The following DNAJC1 variants were observed in gnomAD, a reference collection of about 807,000 sequenced individuals.
The protein encoded by DNAJC1 is dnaJ homolog subfamily C member 1.
In DNAJC1, 58 loss-of-function variants were observed where a neutral mutation model predicts 76.6. The ratio of observed to expected loss-of-function variants is 0.76; its 90% CI spans 0.61 to 0.94. The LOEUF is 0.94. Ranked by LOEUF, DNAJC1 falls within the 40% of genes least tolerant of loss-of-function variation. DNAJC1 has a pLI of 0.00. For synonymous variants in DNAJC1, 258 were observed against 267.9 expected (o/e 0.96, Z 0.36); for missense variants, 689 against 677.3 (o/e 1.02, Z -0.19).
chr10:21,854,824 T>C (rs562959048), intron 8 of DNAJC1, among the ~76,000 whole-genome samples: 5 of 152,270 alleles, frequency 3.3e-5, no homozygotes, highest in Non-Finnish European at 7.4e-5. Context: ...AAAAATTGAT[T>C]GTAAACTGTT....
chr10:21,818,313 G>A (rs1239051515), intron 8 of DNAJC1, among the ~76,000 whole-genome samples: 3 of 152,108 alleles, frequency 2.0e-5, no homozygotes, highest in South Asian at 2.1e-4. Context: ...GGAAATTCCC[G>A]CCTAATAAAT....
At chr10:21,971,888 A>G (rs1837985025) in intron 1 of DNAJC1, among the ~76,000 whole-genome samples, 1 of 151,926 alleles carries the variant, frequency 6.6e-6, no homozygotes, top group South Asian at 2.1e-4. Context: ...GTGTCATGTA[A>G]ACAGATTTCA....
intron 8 of DNAJC1, among the ~76,000 whole-genome samples, chr10:21,844,695 T>C (rs1258471064): frequency 1.3e-5 from 2 of 152,158 alleles, no homozygotes; most frequent in Admixed American, 6.5e-5. Context: ...AGAATAGGTA[T>C]TAAAGATACT....
In DNAJC1 at chr10:22,003,224, C is replaced by A. The variant is rs370706699; in HGVS notation, c.211G>T (p.Gly71Trp). Residue 71 changes from glycine (G) to tryptophan (W), a missense_variant, in exon 1 of 12, where the codon GGG becomes TGG. Coordinates refer to ENST00000376980, the MANE Select transcript of DNAJC1 (RefSeq NM_022365.4). ...EVQLNFYQFLGVQQDASSADI... is the reference protein window; with the variant it reads ...EVQLNFYQFLWVQQDASSADI... ...GCCTCCTTGCTTACCTGCTGCACCC[C>A]GAGGAACTGGTAGAAGTTGAGCTGC... 4.5e-6 allele frequency: 7 copies of A among 1,556,762 alleles called. No individual in the cohort carries two copies. The African/African-American group carries it at 5.6e-5, about 12-fold the overall frequency.
chr10:21,909,774 T>C (rs988145971), intron 6 of DNAJC1, among the ~76,000 whole-genome samples: 1 of 152,222 alleles, frequency 6.6e-6, no homozygotes, highest in African/African-American at 2.4e-5. Context: ...CTTGTCATAA[T>C]GAGCAAGGAG....
intron 6 of DNAJC1, among the ~76,000 whole-genome samples, chr10:21,909,141 G>A (rs542145658): frequency 1.3e-5 from 2 of 152,314 alleles, no homozygotes; most frequent in African/African-American, 4.8e-5. Flanking sequence ...GCCTGCTTCG[G>A]CCTCCCAAAG....
At chr10:21,781,369 C>G (rs1465815207) in intron 9 of DNAJC1, among the ~76,000 whole-genome samples, 1 of 152,142 alleles carries the variant, frequency 6.6e-6, no homozygotes, top group African/African-American at 2.4e-5. Context: ...TGTAAAAGAA[C>G]AGAAATTATA....
intron 3 of DNAJC1, among the ~76,000 whole-genome samples, chr10:21,922,649 A>C (rs961897923): frequency 1.3e-5 from 2 of 152,016 alleles, no homozygotes; most frequent in Admixed American, 1.3e-4. Flanking sequence ...CTATCTTATA[A>C]ATACTGATTC....
chr10:21,930,872 T>A (rs897345618), intron 1 of DNAJC1, among the ~76,000 whole-genome samples: 28 of 152,232 alleles, frequency 1.8e-4, no homozygotes, highest in Admixed American at 5.9e-4. Context: ...TAGATTTTTT[T>A]AAATTGGGAC....
Position 21,854,408 on chromosome 10 carries a change from T to C in DNAJC1, c.978+27874A>G, listed in dbSNP as rs187458321. Among the ~76,000 whole-genome samples the C allele has an allele frequency of 4.4e-3, 668 of 151,218 alleles. 2 individuals carry two copies. Among genetic ancestry groups the C allele is most frequent in the Non-Finnish European group, 6.4e-3 (431 of 67,756 alleles). ...AGGTATAGTTGTATTTTAAATATTA[T>C]CAAACTTTTACTTTTGGAAAGCATT... On this transcript the variant is annotated intron_variant, in intron 8 of 11. Transcript: ENST00000376980.
rs201584218 is a variant in DNAJC1 at position 21,770,389 on chromosome 10, TTTC to T, written c.1099-4083_1099-4081del. On this transcript the variant is annotated intron_variant, in intron 9 of 11. Transcript: ENST00000376980. Reference sequence around the variant, plus strand: ...TATTATTGAGTTGTAAGATTATTTTTTTCTTCTTTTTTTTTTTTTTTTTTTTGA... The same window carrying T: ...TATTATTGAGTTGTAAGATTATTTTTTTCTTTTTTTTTTTTTTTTTTTTGA... Among the ~76,000 whole-genome samples, 41 of 148,076 alleles carry T rather than the reference TTTC, an allele frequency of 2.8e-4. No homozygotes were observed. In the East Asian group the frequency reaches 5.8e-3, roughly 21 times the overall value.
intron 1 of DNAJC1, among the ~76,000 whole-genome samples, chr10:21,974,653 A>AC (rs1333363728): frequency 6.6e-6 from 1 of 152,212 alleles, no homozygotes; most frequent in Non-Finnish European, 1.5e-5. Flanking sequence ...CCAACTTACT[A>AC]CACTGCCTTC....
At chr10:21,805,233 C>T (rs776538034) in intron 9 of DNAJC1, among the ~76,000 whole-genome samples, 5 of 151,908 alleles carry the variant, frequency 3.3e-5, no homozygotes, top group Non-Finnish European at 5.9e-5. Context: ...TTTACTATCC[C>T]TCATGAAAAT....
At chr10:21,946,445 C>A (rs964998779) in intron 1 of DNAJC1, among the ~76,000 whole-genome samples, 10 of 151,914 alleles carry the variant, frequency 6.6e-5, no homozygotes, top group Admixed American at 1.3e-4. Flanking sequence ...ACATACCTAC[C>A]AGAACGGCCA....
At chr10:21,990,043 GT>G (rs1415548666) in intron 1 of DNAJC1, among the ~76,000 whole-genome samples, 1 of 152,160 alleles carries the variant, frequency 6.6e-6, no homozygotes, top group Non-Finnish European at 1.5e-5. Context: ...ACAATGACAG[GT>G]TTGAAGCAGA....
chr10:21,901,409 CAT>C (rs1836650857), intron 7 of DNAJC1, among the ~76,000 whole-genome samples: 1 of 152,042 alleles, frequency 6.6e-6, no homozygotes, highest in Non-Finnish European at 1.5e-5. Context: ...TAGAATAAAA[CAT>C]ATCATTAGAG....
chr10:21,956,960 C>T (rs1205243675), intron 1 of DNAJC1, among the ~76,000 whole-genome samples: 2 of 149,444 alleles, frequency 1.3e-5, no homozygotes, highest in South Asian at 2.1e-4. Context: ...GCAGCGATCT[C>T]GGCTCGCTGC....
At chr10:21,760,562 C>T (rs545064981) in intron 10 of DNAJC1, among the ~76,000 whole-genome samples, 18 of 152,264 alleles carry the variant, frequency 1.2e-4, no homozygotes, top group African/African-American at 3.1e-4. Context: ...GGACACGGGG[C>T]GTGGGAGCAG....
At chr10:21,803,773 G>A (rs1834846253) in intron 9 of DNAJC1, 1 of 902,336 alleles carries the variant, frequency 1.1e-6, no homozygotes, top group Non-Finnish European at 1.3e-6. Flanking sequence ...AAGTTATAAT[G>A]GCATTTTTTT....
Sources: allele counts gnomAD v4.1 joint callset (sites outside exome capture counted in the v4.1 genomes callset), GRCh38; gene constraint gnomAD v4.1.1; transcripts MANE v1.5; gene names NCBI Gene and HGNC (gene_info 2026-07-23, HGNC 2026-07-21).